The following ROBO1 variants were observed in gnomAD, a reference collection of about 807,000 sequenced individuals.
ROBO1 encodes the protein roundabout guidance receptor 1.
ROBO1 carries 149 observed loss-of-function variants against 195.9 expected under a neutral mutation model. The ratio of observed to expected loss-of-function variants is 0.76; its 90% CI spans 0.67 to 0.87. The LOEUF is 0.87. Ranked by LOEUF, ROBO1 falls within the 40% of genes least tolerant of loss-of-function variation. ROBO1 has a pLI of 0.00. For missense variants in ROBO1, 1,933 were observed against 2,068.3 expected, an observed-to-expected ratio of 0.93 and a Z score of 1.27; for synonymous variants, 816 against 733.2, an observed-to-expected ratio of 1.11 and a Z score of -1.82.
chr3:79,736,250 G>C (rs949367646), intron 1 of ROBO1, among the ~76,000 whole-genome samples: 1 of 152,204 alleles, frequency 6.6e-6, no homozygotes, highest in Non-Finnish European at 1.5e-5. Context: ...AAAGGATAGA[G>C]AGCAGGCTAC....
intron 4 of ROBO1, among the ~76,000 whole-genome samples, chr3:78,926,161 A>T (rs547936428): frequency 6.6e-6 from 1 of 152,116 alleles, no homozygotes; most frequent in South Asian, 2.1e-4. Flanking sequence ...GAGCCACCAC[A>T]CCCAGCCAAT....
At chr3:78,889,317 AC>A (rs1406243625) in intron 4 of ROBO1, among the ~76,000 whole-genome samples, 1 of 152,088 alleles carries the variant, frequency 6.6e-6, no homozygotes, top group Non-Finnish European at 1.5e-5. Context: ...TGTCAGGGGA[AC>A]CCTAGAGGCT....
chr3:79,668,212 C>A (rs1297707708), intron 1 of ROBO1, among the ~76,000 whole-genome samples: 1 of 151,554 alleles, frequency 6.6e-6, no homozygotes, highest in Non-Finnish European at 1.5e-5. Flanking sequence ...AAATGACTTT[C>A]TAAGGGTAGA....
intron 3 of ROBO1, among the ~76,000 whole-genome samples, chr3:79,078,438 G>T (rs2079213684): frequency 6.6e-6 from 1 of 151,682 alleles, no homozygotes; most frequent in African/African-American, 2.4e-5. Context: ...GCACATTCTG[G>T]TGACTTCAGT....
At chr3:78,987,160 G>T (rs897343718) in intron 3 of ROBO1, among the ~76,000 whole-genome samples, 1 of 149,028 alleles carries the variant, frequency 6.7e-6, no homozygotes, top group African/African-American at 2.5e-5. Flanking sequence ...TAAACACAGG[G>T]TGAGGTGATG....
chr3:78,821,747 A>G (rs1440199294), intron 4 of ROBO1, among the ~76,000 whole-genome samples: 4 of 152,142 alleles, frequency 2.6e-5, no homozygotes, highest in Non-Finnish European at 4.4e-5. Flanking sequence ...ATTTAATTTA[A>G]TTCAATTAAA....
chr3:78,912,157 G>C (rs1199994975), intron 4 of ROBO1, among the ~76,000 whole-genome samples: 1 of 151,994 alleles, frequency 6.6e-6, no homozygotes, highest in Non-Finnish European at 1.5e-5. Context: ...TTAAAAAACA[G>C]TTAAATTAAG....
intron 2 of ROBO1, among the ~76,000 whole-genome samples, chr3:79,255,359 A>T (rs1369109794): frequency 6.6e-6 from 1 of 152,122 alleles, no homozygotes; most frequent in Non-Finnish European, 1.5e-5. Flanking sequence ...TCTCTAAAAA[A>T]ACAAAAACAA....
intron 4 of ROBO1, among the ~76,000 whole-genome samples, chr3:78,832,808 A>G (rs1312437782): frequency 6.6e-6 from 1 of 152,150 alleles, no homozygotes; most frequent in Non-Finnish European, 1.5e-5. Flanking sequence ...TGAAAAGTCC[A>G]AAAGGAAATA....
At position 78,711,423 on chromosome 3, in the gene ROBO1, CTTT is replaced by C. The variant is rs1206023599; in HGVS notation, c.1045+2971_1045+2973del. Among the ~76,000 whole-genome samples the C allele has an allele frequency of 1.7e-3, 175 of 105,412 alleles. 10 individuals are homozygous for C. Among genetic ancestry groups the C allele is most frequent in the African/African-American group, 4.3e-3 (105 of 24,554 alleles). 69.2% of individuals were successfully genotyped at this position (105,412 alleles called of 152,430 possible). A position where few individuals can be genotyped will look rare whatever the true frequency, so the allele number is the denominator to read the frequency against. On this transcript the variant is annotated intron_variant, in intron 8 of 30. Transcript: ENST00000464233. ...CCTTTCTTTCTTTCTTTCTTTCTTTCTTTCTTTCTTTCTTTCTTTCCTTCCTTC... is the reference window on the plus strand; with the variant it reads ...CCTTTCTTTCTTTCTTTCTTTCTTTCCTTTCTTTCTTTCTTTCCTTCCTTC...
At chr3:78,921,793 C>CT (rs749601936) in intron 4 of ROBO1, among the ~76,000 whole-genome samples, 2,823 of 141,928 alleles carry the variant, frequency 0.02, 75 homozygotes, top group African/African-American at 0.061. Context: ...TCTAACAATC[C>CT]TTTTTTTTTT....
At chr3:79,661,225 T>G (rs928582672) in intron 1 of ROBO1, among the ~76,000 whole-genome samples, 1 of 152,108 alleles carries the variant, frequency 6.6e-6, no homozygotes, top group Non-Finnish European at 1.5e-5. Context: ...TGGTAGATCA[T>G]GCACATTCTT....
chr3:78,997,270 C>T (rs2077389751), intron 3 of ROBO1, among the ~76,000 whole-genome samples: 2 of 152,162 alleles, frequency 1.3e-5, no homozygotes, highest in Admixed American at 1.3e-4. Context: ...TGTTCCTCAA[C>T]ACCACTGTGA....
intron 2 of ROBO1, among the ~76,000 whole-genome samples, chr3:79,170,059 C>A (rs562009159): frequency 6.6e-6 from 1 of 152,148 alleles, no homozygotes; most frequent in East Asian, 1.9e-4. Flanking sequence ...TGGTCTTTAA[C>A]AACAAAGGAA....
intron 2 of ROBO1, among the ~76,000 whole-genome samples, chr3:79,335,804 T>G (rs192451441): frequency 6.6e-6 from 1 of 152,126 alleles, no homozygotes; most frequent in East Asian, 1.9e-4. Flanking sequence ...TTGGAGAGCT[T>G]GGAAGAAGAC....
intron 2 of ROBO1, among the ~76,000 whole-genome samples, chr3:79,190,675 A>G (rs2081524598): frequency 6.6e-6 from 1 of 151,576 alleles, no homozygotes; most frequent in South Asian, 2.1e-4. Context: ...TCCAACTTGG[A>G]TATTTCCTTT....
chr3:79,017,247 T>C (rs183769672), intron 3 of ROBO1, among the ~76,000 whole-genome samples: 2 of 152,102 alleles, frequency 1.3e-5, no homozygotes, highest in Admixed American at 6.5e-5. Context: ...ACGTATGTGG[T>C]TTTTTTCCCC....
intron 3 of ROBO1, among the ~76,000 whole-genome samples, chr3:79,052,612 G>A (rs1339374835): frequency 6.6e-6 from 1 of 152,062 alleles, no homozygotes; most frequent in Non-Finnish European, 1.5e-5. Context: ...GCCGACATGT[G>A]ATGTCACCCC....
chr3:79,087,515 C>T (rs1432182025), intron 3 of ROBO1, among the ~76,000 whole-genome samples: 1 of 151,526 alleles, frequency 6.6e-6, no homozygotes, highest in Non-Finnish European at 1.5e-5. Context: ...CTCTTCCTTC[C>T]TTCCTTCCTT....
Sources: gnomAD v4.1 joint callset for allele counts (sites outside exome capture counted in the v4.1 genomes callset) on GRCh38, gnomAD v4.1.1 for gene constraint, MANE v1.5 for transcripts, NCBI Gene and HGNC (gene_info 2026-07-23, HGNC 2026-07-21) for gene names.